MAFG: variants seen among roughly 807,000 people sequenced by gnomAD.
MAFG encodes the protein transcription factor MafG.
A neutral mutation model predicts 12.2 loss-of-function variants in MAFG; 3 were observed. The observed-to-expected ratio is 0.25, with a 90% CI of 0.11 to 0.64. The LOEUF (loss-of-function observed/expected upper bound fraction) is 0.64. Among genes scored for constraint, MAFG ranks in the 30% least tolerant of loss-of-function variants. The pLI is 0.85. For synonymous variants in MAFG, 126 were observed against 109.1 expected (o/e 1.15, Z -0.96); for missense variants, 153 against 235.5 (o/e 0.65, Z 2.29).
In MAFG at chr17:81,921,483, C is replaced by G. The variant is rs1384244881; in HGVS notation, c.*1122G>C. 6.6e-6 allele frequency: 1 copy of G among 152,138 alleles called. No individual in the cohort carries two copies. Among genetic ancestry groups the G allele is most frequent in the South Asian group, 2.1e-4 (1 of 4,830 alleles). 9.4% of individuals were successfully genotyped at this position (152,138 alleles called of 1,614,324 possible). ...CGGCAAGAGACGGAAGCAGGAAGGG[C>G]AGAGGAGTAAGTCACTTTCGGTACA... On this transcript the variant is annotated 3_prime_UTR_variant, in exon 3 of 3. Coordinates refer to ENST00000357736, the MANE Select transcript of MAFG (RefSeq NM_002359.4).
intron 1 of MAFG, among the ~76,000 whole-genome samples, chr17:81,927,289 G>C (rs926513185): frequency 1.3e-5 from 2 of 151,094 alleles, no homozygotes; most frequent in African/African-American, 4.9e-5. Flanking sequence ...CGCCGCCCGC[G>C]GCCCACCTCC....
In MAFG at chr17:81,926,707, G is replaced by GGGGT. The variant is rs2040942562; in HGVS notation, c.-30+817_-30+820dup. 6.6e-6 allele frequency among the ~76,000 whole-genome samples: 1 copy of GGGGT among 152,196 alleles called. No homozygotes were observed. The highest frequency in any genetic ancestry group is 2.1e-4 in the South Asian group (1 of 4,828). ...CTGCCGGAAAAGAGCCGCCTGGGAA[G>GGGGT]GGGTGGACCGCCCGGGGCTTCACCT... is the stretch of plus-strand genomic sequence containing the variant. On this transcript the variant is annotated intron_variant, in intron 1 of 2. Transcript: ENST00000357736. This position sits in a 1 kb window ranked among gnomAD's most constrained non-coding sequence, Gnocchi z 4.6.
chr17:81,928,000 C>A (rs1240707935), upstream of MAFG: 1 of 152,286 alleles, frequency 6.6e-6, no homozygotes, highest in African/African-American at 2.4e-5. Context: ...CGTCCAGGGC[C>A]CCTGTCCAAG....
chr17:81,927,769 G>A (rs1296632487), upstream of MAFG: 2 of 152,214 alleles, frequency 1.3e-5, no homozygotes, highest in South Asian at 4.1e-4. Flanking sequence ...TTCATGAAGC[G>A]GCGACGCGGC....
At chr17:81,928,249 C>G (rs917572438), upstream of MAFG, 6 of 152,216 alleles carry the variant, frequency 3.9e-5, no homozygotes, top group African/African-American at 1.4e-4. This position sits in a 1 kb window ranked among gnomAD's most constrained non-coding sequence, Gnocchi z 8.1. Context: ...CCGAGCTGCC[C>G]AGGCCCTTCC....
chr17:81,926,407 G>A lies in MAFG; in HGVS notation c.-30+1121C>T, dbSNP rs2040939626. Among the ~76,000 whole-genome samples the A allele has an allele frequency of 6.6e-6, 1 of 152,110 alleles. No individual in the cohort carries two copies. The highest frequency in any genetic ancestry group is 2.4e-5 in the African/African-American group (1 of 41,410). ...AACCCAGACTCCAGGGCCAACTGGG[G>A]AGAGAGGCTGGGCTGCTTCCTCCCC... On this transcript the variant is annotated intron_variant, in intron 1 of 2. Coordinates refer to ENST00000357736, the MANE Select transcript of MAFG (RefSeq NM_002359.4). The surrounding 1 kb of genome is among the most constrained non-coding windows in gnomAD (Gnocchi z 4.6).
intron 1 of MAFG, among the ~76,000 whole-genome samples, chr17:81,927,075 G>A (rs1345641345): frequency 6.6e-6 from 1 of 151,878 alleles, no homozygotes; most frequent in Non-Finnish European, 1.5e-5. Context: ...CCTCCTCCCG[G>A]GCTCGCCGCG....
upstream of MAFG, chr17:81,929,958 C>T (rs180940846): frequency 6.8e-6 from 1 of 146,942 alleles, no homozygotes; most frequent in African/African-American, 2.8e-5. This position sits in a 1 kb window ranked among gnomAD's most constrained non-coding sequence, Gnocchi z 5.7. Flanking sequence ...AGGCACCTCC[C>T]CGGCATCCTC....
chr17:81,923,247 G>C, intron 1 of MAFG, 33 bp from the exon 2 acceptor site: 4 of 778,068 alleles, frequency 5.1e-6, no homozygotes, highest in Non-Finnish European at 3.5e-6. Context: ...GTACCCTGGA[G>C]ACCACCCTCG....
In MAFG at chr17:81,922,657, G is replaced by C; in HGVS notation, c.437C>G (p.Ala146Gly). The C allele has an allele frequency of 2.7e-6, 4 of 1,503,916 alleles. No individual in the cohort carries two copies. The highest frequency in any genetic ancestry group is 3.5e-6 in the Non-Finnish European group (4 of 1,131,106). The allele number at this position is 1,503,916 out of a possible 1,614,324, so 93.2% of individuals were successfully genotyped here. A position where few individuals can be genotyped will look rare whatever the true frequency, so the allele number is the denominator to read the frequency against. Reference sequence around the variant, plus strand: ...TACTATTGTGATGACGCTGGTGGCGGCCACCTTGCCTGGGACGAGGGGCCC... The same window carrying C: ...TACTATTGTGATGACGCTGGTGGCGCCCACCTTGCCTGGGACGAGGGGCCC... ...GLGPLVPGKVAATSVITIVKS... is the reference protein window; with the variant it reads ...GLGPLVPGKVGATSVITIVKS... The change falls in exon 3 of 3, where the codon GCC becomes GGC. Residue 146 changes from alanine to glycine, a missense_variant. Coordinates refer to ENST00000357736, the MANE Select transcript of MAFG (RefSeq NM_002359.4).
Position 81,918,436 on chromosome 17 carries a change from G to A in MAFG, c.*4169C>T, listed in dbSNP as rs2040851604. 5.0e-6 allele frequency: 1 copy of A among 201,086 alleles called. No individual in the cohort carries two copies. The allele number at this position is 201,086 out of a possible 1,614,324, so 12.5% of individuals were successfully genotyped here. ...CGCAGGGCAGGGGTAGGGCACCAAG[G>A]CCACTGCCCTGCAAGAGGTCAGGCC... is the stretch of plus-strand genomic sequence containing the variant. On this transcript the variant is annotated 3_prime_UTR_variant, in exon 3 of 3. Transcript: ENST00000357736.
rs1320826202 is a variant in MAFG at position 81,920,824 on chromosome 17, CTCTCA to C, written c.*1776_*1780del. The C allele has an allele frequency of 3.3e-5, 5 of 152,518 alleles. No homozygotes were observed. Among genetic ancestry groups the C allele is most frequent in the Non-Finnish European group, 7.3e-5 (5 of 68,146 alleles). The allele number at this position is 152,518 out of a possible 1,614,324, so 9.4% of individuals were successfully genotyped here. On this transcript the variant is annotated 3_prime_UTR_variant, in exon 3 of 3. Transcript: ENST00000357736. ...TCTGCACTGGTGGAGACCCCCAAGG[CTCTCA>C]GAGTGAGGCAGGGACAAGGAAGAAA...
At position 81,923,206 on chromosome 17, in the gene MAFG, A is replaced by T; in HGVS notation, c.-21T>A. On this transcript the variant is annotated 5_prime_UTR_variant, in exon 2 of 3. Transcript: ENST00000357736. ...GTCATAACCCGGGGGCACAGCGAGC[A>T]GGCGCTCTCTGCAAGACACGGAGCA... is the stretch of plus-strand genomic sequence containing the variant. The T allele has an allele frequency of 6.4e-7, 1 of 1,567,624 alleles. No individual in the cohort carries two copies. The highest frequency in any genetic ancestry group is 8.6e-7 in the Non-Finnish European group (1 of 1,157,670).
chr17:81,929,894 C>A, upstream of MAFG: 1 of 146,276 alleles, frequency 6.8e-6, no homozygotes, highest in East Asian at 1.9e-4. This position sits in a 1 kb window ranked among gnomAD's most constrained non-coding sequence, Gnocchi z 5.7. Context: ...CCCGCAGGCA[C>A]CTCCCGGGCA....
chr17:81,931,104 A>G (rs111603161), upstream of MAFG, among the ~76,000 whole-genome samples: 2 of 152,212 alleles, frequency 1.3e-5, no homozygotes, highest in African/African-American at 4.8e-5. Context: ...CTCTGGCTCT[A>G]CCTGCCTCTG....
chr17:81,928,768 C>G (rs759984785), upstream of MAFG, among the ~76,000 whole-genome samples: 3 of 152,218 alleles, frequency 2.0e-5, no homozygotes, highest in Non-Finnish European at 2.9e-5. This position sits in a 1 kb window ranked among gnomAD's most constrained non-coding sequence, Gnocchi z 8.1. Flanking sequence ...CCTTAGTGTA[C>G]AAAACAGCAC....
At chr17:81,925,558 C>T (rs2040932445) in intron 1 of MAFG, among the ~76,000 whole-genome samples, 1 of 152,144 alleles carries the variant, frequency 6.6e-6, no homozygotes, top group Non-Finnish European at 1.5e-5. Context: ...CCTGTAATCC[C>T]AACACTTTGG....
rs2040898595 is a variant in MAFG, at chr17:81,922,337, C to T, written c.*268G>A. On this transcript the variant is annotated 3_prime_UTR_variant, in exon 3 of 3. Coordinates refer to ENST00000357736, the MANE Select transcript of MAFG (RefSeq NM_002359.4). The stretch of plus-strand genomic sequence containing the variant: ...ACAGCACCAACTCTGGACTCCAAGC[C>T]TGCATGGCCCTGGTACAAAAGGGGT... 1 of 294,350 alleles carries T rather than the reference C, an allele frequency of 3.4e-6. No homozygotes were observed. Among genetic ancestry groups the T allele is most frequent in the South Asian group, 1.3e-4 (1 of 7,880 alleles). 18.2% of individuals were successfully genotyped at this position (294,350 alleles called of 1,614,324 possible). A position where few individuals can be genotyped will look rare whatever the true frequency, so the allele number is the denominator to read the frequency against.
intron 1 of MAFG, among the ~76,000 whole-genome samples, chr17:81,925,987 A>G (rs2040936549): frequency 1.0e-5 from 1 of 95,366 alleles, no homozygotes; most frequent in Admixed American, 1.6e-4. Context: ...GTGCTCACTG[A>G]GAATGGACCT....
Sources: allele counts gnomAD v4.1 joint callset (sites outside exome capture counted in the v4.1 genomes callset), GRCh38; gene constraint gnomAD v4.1.1; non-coding constraint Gnocchi (gnomAD v3.1); transcripts MANE v1.5; gene names NCBI Gene and HGNC (gene_info 2026-07-23, HGNC 2026-07-21).